The following PPP1R9A variants were observed in gnomAD, a reference collection of about 807,000 sequenced individuals.
The protein encoded by PPP1R9A is protein phosphatase 1 regulatory subunit 9A.
In PPP1R9A, 59 loss-of-function variants were observed where a neutral mutation model predicts 141.9. That is an observed-to-expected ratio of 0.42 (90% CI 0.34 to 0.52). PPP1R9A has a LOEUF of 0.52. Ranked by LOEUF, PPP1R9A falls within the 20% of genes least tolerant of loss-of-function variation. The pLI is 0.10. For synonymous variants in PPP1R9A, 500 were observed against 569.7 expected, an observed-to-expected ratio of 0.88 and a Z score of 1.74; for missense variants, 1,444 against 1,611.9, an observed-to-expected ratio of 0.90 and a Z score of 1.78.
chr7:95,247,737 A>G (rs1255296788), intron 9 of PPP1R9A, among the ~76,000 whole-genome samples: 1 of 152,088 alleles, frequency 6.6e-6, no homozygotes, highest in South Asian at 2.1e-4. Flanking sequence ...TATTTTAGAT[A>G]TATATATTTA....
At chr7:95,285,267 G>C (rs1444671069) in intron 17 of PPP1R9A, among the ~76,000 whole-genome samples, 1 of 152,338 alleles carries the variant, frequency 6.6e-6, no homozygotes, top group East Asian at 1.9e-4. Context: ...AAACAAGATG[G>C]TGTTGGTCAA....
intron 2 of PPP1R9A, among the ~76,000 whole-genome samples, chr7:95,101,364 TA>T (rs1466426668): frequency 6.6e-6 from 1 of 152,202 alleles, no homozygotes; most frequent in East Asian, 1.9e-4. Context: ...TAATATCTTC[TA>T]ACAGATGTTT....
intron 2 of PPP1R9A, among the ~76,000 whole-genome samples, chr7:94,950,944 C>T (rs1455113788): frequency 6.6e-6 from 1 of 152,002 alleles, no homozygotes; most frequent in Non-Finnish European, 1.5e-5. Flanking sequence ...GATGAGGTTT[C>T]GCCATGTTGC....
intron 2 of PPP1R9A, among the ~76,000 whole-genome samples, chr7:95,106,482 T>C (rs1438924999): frequency 6.6e-6 from 1 of 152,180 alleles, no homozygotes; most frequent in Non-Finnish European, 1.5e-5. Flanking sequence ...GGGTCTTCCA[T>C]GTCAGTAGAG....
Position 95,201,484 on chromosome 7 carries a change from A to G in PPP1R9A, c.1891-2181A>G, listed in dbSNP as rs576999470. ...GTACAAATAGTGAAAATCCACTCCA[A>G]TGTTAAAACTTCAAATTGTCACTTG... On this transcript the variant is annotated intron_variant, in intron 6 of 19. Transcript: ENST00000433360. Among the ~76,000 whole-genome samples, 7 of 152,280 alleles carry G rather than the reference A, an allele frequency of 4.6e-5. No homozygotes were observed. The South Asian group carries it at 1.2e-3, about 27-fold the overall frequency.
At chr7:94,922,956 G>A (rs1793029225) in intron 2 of PPP1R9A, among the ~76,000 whole-genome samples, 2 of 152,084 alleles carry the variant, frequency 1.3e-5, no homozygotes, top group Admixed American at 1.3e-4. Flanking sequence ...GTCTTTTAAT[G>A]TACTTTTATT....
intron 5 of PPP1R9A, among the ~76,000 whole-genome samples, chr7:95,183,946 A>AAGG (rs1437744836): frequency 3.9e-5 from 6 of 152,072 alleles, no homozygotes; most frequent in Admixed American, 3.9e-4. Flanking sequence ...CAGCTTTCAA[A>AAGG]AGCAATCATC....
chr7:95,131,629 A>G (rs1824636914), intron 4 of PPP1R9A, among the ~76,000 whole-genome samples: 1 of 150,104 alleles, frequency 6.7e-6, no homozygotes, highest in South Asian at 2.1e-4. Context: ...TAGGTTCTAT[A>G]TGAATTTTAA....
chr7:95,075,470 G>C (rs924866820), intron 2 of PPP1R9A, among the ~76,000 whole-genome samples: 8 of 152,098 alleles, frequency 5.3e-5, no homozygotes, highest in Non-Finnish European at 1.0e-4. Flanking sequence ...AGTTCATGAC[G>C]AAATGTGACT....
rs561112901 is a variant in PPP1R9A at position 95,151,049 on chromosome 7, C to T, written c.1650-10818C>T. 3.2e-4 allele frequency among the ~76,000 whole-genome samples: 48 copies of T among 152,324 alleles called. 1 individual carries two copies. Among genetic ancestry groups the T allele is most frequent in the African/African-American group, 8.4e-4 (35 of 41,570 alleles). ...ATGTAGAGCAATAAGGTGTCTCATT[C>T]ATTGCTAGTGGGAATGCAAAATGGT... On this transcript the variant is annotated intron_variant, in intron 4 of 19. Transcript: ENST00000433360.
intron 2 of PPP1R9A, among the ~76,000 whole-genome samples, chr7:95,055,544 G>C (rs924346090): frequency 6.6e-6 from 1 of 151,786 alleles, no homozygotes; most frequent in Admixed American, 6.6e-5. Flanking sequence ...CTTCTCCATC[G>C]AGCTCACCAA....
At chr7:95,193,452 G>A (rs1835804388) in intron 5 of PPP1R9A, among the ~76,000 whole-genome samples, 1 of 151,930 alleles carries the variant, frequency 6.6e-6, no homozygotes, top group South Asian at 2.1e-4. Flanking sequence ...TTGAGAAAGC[G>A]AAGCTGTGAT....
At chr7:94,914,363 T>G (rs1340357104) in intron 2 of PPP1R9A, among the ~76,000 whole-genome samples, 1 of 152,208 alleles carries the variant, frequency 6.6e-6, no homozygotes, top group African/African-American at 2.4e-5. Context: ...ATGTCTTAAA[T>G]CTGGACTTAG....
intron 2 of PPP1R9A, among the ~76,000 whole-genome samples, chr7:95,086,303 A>G (rs1194849299): frequency 6.6e-6 from 1 of 152,058 alleles, no homozygotes; most frequent in African/African-American, 2.4e-5. Context: ...GTCTTAACAC[A>G]TATTTTATAG....
At chr7:95,200,143 G>T (rs1563404066) in intron 6 of PPP1R9A, among the ~76,000 whole-genome samples, 1 of 151,836 alleles carries the variant, frequency 6.6e-6, no homozygotes, top group Non-Finnish European at 1.5e-5. Flanking sequence ...AGGGGGCAAA[G>T]AAAGAAGATA....
At chr7:95,251,537 A>G (rs1330229631) in intron 10 of PPP1R9A, among the ~76,000 whole-genome samples, 2 of 152,190 alleles carry the variant, frequency 1.3e-5, no homozygotes, top group South Asian at 2.1e-4. Flanking sequence ...AGGAGCTACG[A>G]AAGAAAATTA....
chr7:95,164,792 T>G (rs1015474094), intron 5 of PPP1R9A, among the ~76,000 whole-genome samples: 1 of 150,474 alleles, frequency 6.6e-6, no homozygotes, highest in Non-Finnish European at 1.5e-5. Context: ...TGTTCCATGC[T>G]TTATTCTCTA....
chr7:95,011,150 AT>A (rs1804363875), intron 2 of PPP1R9A, among the ~76,000 whole-genome samples: 1 of 152,182 alleles, frequency 6.6e-6, no homozygotes, highest in Non-Finnish European at 1.5e-5. Flanking sequence ...ATTATGTTAT[AT>A]TTAAAATGAG....
intron 2 of PPP1R9A, among the ~76,000 whole-genome samples, chr7:94,943,870 G>A (rs75109919): frequency 0.012 from 1,858 of 152,122 alleles, 16 homozygotes; most frequent in Non-Finnish European, 0.018. Flanking sequence ...AGGACAAATT[G>A]TGACCTACAT....
Sources: allele counts gnomAD v4.1 joint callset (sites outside exome capture counted in the v4.1 genomes callset), GRCh38; gene constraint gnomAD v4.1.1; transcripts MANE v1.5; gene names NCBI Gene and HGNC (gene_info 2026-07-23, HGNC 2026-07-21).